MSI2: variants seen among roughly 807,000 people sequenced by gnomAD.
MSI2 encodes the protein musashi RNA binding protein 2, also known as RNA-binding protein Musashi homolog 2.
MSI2 carries 17 observed loss-of-function variants against 45.6 expected under a neutral mutation model. The observed-to-expected ratio is 0.37, with a 90% CI of 0.26 to 0.56. The LOEUF is 0.56. Ranked by LOEUF, MSI2 falls within the 20% of genes least tolerant of loss-of-function variation. The pLI is 0.77. For synonymous variants in MSI2, 156 were observed against 158.2 expected, an observed-to-expected ratio of 0.99 and a Z score of 0.11; for missense variants, 293 against 444.2, an observed-to-expected ratio of 0.66 and a Z score of 3.06.
intron 6 of MSI2, among the ~76,000 whole-genome samples, chr17:57,459,916 G>T (rs974903642): frequency 6.6e-6 from 1 of 151,926 alleles, no homozygotes; most frequent in African/African-American, 2.4e-5. Flanking sequence ...ATCACCTGAG[G>T]TCAGGAGTTC....
At chr17:57,560,644 G>T (rs981764764) in intron 7 of MSI2, among the ~76,000 whole-genome samples, 4 of 152,180 alleles carry the variant, frequency 2.6e-5, no homozygotes, top group African/African-American at 9.7e-5. Flanking sequence ...GCAAGATGGG[G>T]TAACAGTAAC....
At chr17:57,257,428 T>C (rs1247786652) in intron 2 of MSI2, 38 bp from the exon 3 acceptor site, 1 of 1,142,378 alleles carries the variant, frequency 8.8e-7, no homozygotes, top group Non-Finnish European at 1.3e-6. Context: ...TTCCACACCT[T>C]CTCTCCCCCC....
chr17:57,596,890 G>A lies in MSI2; in HGVS notation c.477G>A (p.Glu159=). 2 of 1,613,484 alleles carry A rather than the reference G, an allele frequency of 1.2e-6. No individual in the cohort carries two copies. Among genetic ancestry groups the A allele is most frequent in the Non-Finnish European group, 8.5e-7 (1 of 1,179,466 alleles). The change falls in exon 8 of 14, where the codon GAG becomes GAA. Residue 159 remains glutamate (E), a synonymous_variant. Transcript: ENST00000284073. This position sits in a 1 kb window ranked among gnomAD's most constrained non-coding sequence, Gnocchi z 4.6. ...RHRGFGFVTF[E]NEDVVEKVCE... is the part of the protein sequence containing the mutation. ...TAGGGTTTGGCTTTGTCACTTTTGA[G>A]AATGAAGATGTTGTGGAGAAAGTCT...
Position 57,327,154 on chromosome 17 carries a change from AT to A in MSI2, c.312+64963del, listed in dbSNP as rs1210121567. Reference sequence around the variant, plus strand: ...GGGCTGGGCACGGTAATCCACCGTAATCCAAGCAACTTGGGAAGCTGAGGCA... The same window carrying A: ...GGGCTGGGCACGGTAATCCACCGTAACCAAGCAACTTGGGAAGCTGAGGCA... On this transcript the variant is annotated intron_variant, in intron 5 of 13. Coordinates refer to ENST00000284073, the MANE Select transcript of MSI2 (RefSeq NM_138962.4). Among the ~76,000 whole-genome samples, 3 of 152,196 alleles carry A rather than the reference AT, an allele frequency of 2.0e-5. No individual in the cohort carries two copies. In the East Asian group the frequency reaches 5.8e-4, roughly 29 times the overall value.
intron 7 of MSI2, among the ~76,000 whole-genome samples, chr17:57,530,802 G>C (rs1000769060): frequency 2.6e-5 from 4 of 152,146 alleles, no homozygotes; most frequent in African/African-American, 9.7e-5. Context: ...AAGAAGGAGT[G>C]GAGTGGGAAT....
chr17:57,285,474 G>A (rs1380374281), intron 5 of MSI2, among the ~76,000 whole-genome samples: 1 of 152,242 alleles, frequency 6.6e-6, no homozygotes, highest in Non-Finnish European at 1.5e-5. Flanking sequence ...CATTGTCTCA[G>A]CGTTCGCTGG....
intron 8 of MSI2, among the ~76,000 whole-genome samples, chr17:57,613,076 C>T (rs1048944732): frequency 2.0e-5 from 3 of 152,164 alleles, no homozygotes; most frequent in South Asian, 2.1e-4. Flanking sequence ...ACCTTTCCCC[C>T]CTACCTGCAA....
intron 8 of MSI2, among the ~76,000 whole-genome samples, chr17:57,597,907 T>A (rs772544875): frequency 6.6e-6 from 1 of 152,246 alleles, no homozygotes; most frequent in Non-Finnish European, 1.5e-5. Flanking sequence ...TCTCTTTGGC[T>A]CTTTAAAGTT....
At chr17:57,469,548 G>A (rs1031126142) in intron 6 of MSI2, among the ~76,000 whole-genome samples, 10 of 152,222 alleles carry the variant, frequency 6.6e-5, no homozygotes, top group African/African-American at 2.4e-4. Flanking sequence ...AAAGGGTTAA[G>A]GCTTACAGGG....
chr17:57,670,242 C>G (rs1912683247), intron 11 of MSI2, among the ~76,000 whole-genome samples: 1 of 152,170 alleles, frequency 6.6e-6, no homozygotes, highest in Non-Finnish European at 1.5e-5. Context: ...ACTTCCATAC[C>G]TTTTCTAGAC....
At chr17:57,633,036 G>C in intron 10 of MSI2, 1 of 1,042,958 alleles carries the variant, frequency 9.6e-7, no homozygotes, top group Non-Finnish European at 1.2e-6. Context: ...TGGTGAACTT[G>C]TCCTAGTATG....
chr17:57,329,765 A>G (rs1029994296), intron 5 of MSI2, among the ~76,000 whole-genome samples: 2 of 152,192 alleles, frequency 1.3e-5, no homozygotes, highest in Non-Finnish European at 1.5e-5. Flanking sequence ...AGTATAATCA[A>G]ATCAGAACCC....
intron 5 of MSI2, among the ~76,000 whole-genome samples, chr17:57,386,531 C>T (rs2083688784): frequency 6.6e-6 from 1 of 152,110 alleles, no homozygotes; most frequent in South Asian, 2.1e-4. Flanking sequence ...GCTAGGAATA[C>T]AGGGGTGCAC....
rs1409532797 is a variant in MSI2 at position 57,373,716 on chromosome 17, C to A, written c.313-27663C>A. On this transcript the variant is annotated intron_variant, in intron 5 of 13. Transcript: ENST00000284073. ...ACAGCTGCCAGGTTCAGAACCACAG[C>A]CGCACTGTCCCCATCCGAAGGCCTC... Among the ~76,000 whole-genome samples, 3 of 152,202 alleles carry A rather than the reference C, an allele frequency of 2.0e-5. No homozygotes were observed. The South Asian group carries it at 6.2e-4, about 32-fold the overall frequency.
At chr17:57,584,409 A>G (rs1435898141) in intron 7 of MSI2, among the ~76,000 whole-genome samples, 1 of 152,192 alleles carries the variant, frequency 6.6e-6, no homozygotes, top group African/African-American at 2.4e-5. Context: ...GCCTGCCCGC[A>G]GACTCCAGGC....
At chr17:57,460,964 C>T (rs1480587856) in intron 6 of MSI2, among the ~76,000 whole-genome samples, 1 of 152,196 alleles carries the variant, frequency 6.6e-6, no homozygotes, top group East Asian at 1.9e-4. Flanking sequence ...GCTCAATGCT[C>T]AGAATCCCTC....
chr17:57,299,242 C>T (rs899642839), intron 5 of MSI2, among the ~76,000 whole-genome samples: 2 of 152,358 alleles, frequency 1.3e-5, no homozygotes, highest in Admixed American at 1.3e-4. Flanking sequence ...AGCAATAAGG[C>T]TGTCTTGCTT....
At chr17:57,653,951 T>TC (rs748905756) in intron 11 of MSI2, among the ~76,000 whole-genome samples, 7 of 150,818 alleles carry the variant, frequency 4.6e-5, no homozygotes, top group Non-Finnish European at 7.4e-5. Flanking sequence ...TTTTTTTTTT[T>TC]CGGGATCAAT....
chr17:57,464,474 T>A (rs1475638258), intron 6 of MSI2, among the ~76,000 whole-genome samples: 1 of 152,120 alleles, frequency 6.6e-6, no homozygotes, highest in Non-Finnish European at 1.5e-5. Flanking sequence ...AGAGGTGTCT[T>A]AGAAGCAGAA....
Sources: gnomAD v4.1 joint callset for allele counts (sites outside exome capture counted in the v4.1 genomes callset) on GRCh38, gnomAD v4.1.1 for gene constraint, Gnocchi (gnomAD v3.1) non-coding constraint, MANE v1.5 for transcripts, NCBI Gene and HGNC (gene_info 2026-07-23, HGNC 2026-07-21) for gene names.